PAK2: variants seen among roughly 807,000 people sequenced by gnomAD.
PAK2 encodes serine/threonine-protein kinase PAK 2.
Under a neutral mutation model 65.9 loss-of-function variants are expected in PAK2, and 21 were observed. That is an observed-to-expected ratio of 0.32 (90% confidence interval 0.23 to 0.46). The LOEUF is 0.46. Among genes scored for constraint, PAK2 ranks in the 20% least tolerant of loss-of-function variants. PAK2 has a pLI of 1.00. For missense variants in PAK2, 324 were observed against 642.6 expected, an observed-to-expected ratio of 0.50 and a Z score of 5.36; for synonymous variants, 204 against 219.7, an observed-to-expected ratio of 0.93 and a Z score of 0.63.
intron 1 of PAK2, among the ~76,000 whole-genome samples, chr3:196,777,990 C>T (rs552476548): frequency 3.9e-5 from 6 of 152,228 alleles, no homozygotes; most frequent in South Asian, 2.1e-4. Flanking sequence ...GTCTTCATAC[C>T]GGAACATTTG....
At chr3:196,802,564 C>T (rs1428261417) in intron 3 of PAK2, among the ~76,000 whole-genome samples, 3 of 152,066 alleles carry the variant, frequency 2.0e-5, no homozygotes, top group South Asian at 2.1e-4. Flanking sequence ...AGACCTAGGC[C>T]GGGCGCGGTG....
intron 2 of PAK2, 54 bp from the exon 3 acceptor site, chr3:196,801,873 A>T: frequency 1.2e-6 from 1 of 861,064 alleles, no homozygotes; most frequent in Non-Finnish European, 1.9e-6. Context: ...AAGTGCCTTT[A>T]CTAGTCTTGT....
In PAK2 at chr3:196,803,007, T is replaced by A; in HGVS notation, c.289-10T>A. 6.5e-7 allele frequency: 1 copy of A among 1,536,510 alleles called. No homozygotes were observed. The highest frequency in any genetic ancestry group is 8.7e-7 in the Non-Finnish European group (1 of 1,144,954). On this transcript the variant is annotated splice_polypyrimidine_tract_variant and intron_variant, in intron 3 of 14. Transcript: ENST00000327134. ...AAACCATAACTAATTTCTGAATATC[T>A]TCTTGTTAGGGCATGCCAGAACAGT...
chr3:196,799,947 G>A (rs759677212), intron 2 of PAK2, among the ~76,000 whole-genome samples: 3 of 152,180 alleles, frequency 2.0e-5, no homozygotes, highest in Non-Finnish European at 2.9e-5. Context: ...AATTGCATAG[G>A]CAGTGGTATT....
intron 11 of PAK2, among the ~76,000 whole-genome samples, chr3:196,815,692 C>T (rs1281674991): frequency 9.3e-5 from 14 of 151,334 alleles, no homozygotes; most frequent in Admixed American, 9.3e-4. Flanking sequence ...GAGGCTGAGA[C>T]GGGAGATTAG....
intron 11 of PAK2, among the ~76,000 whole-genome samples, chr3:196,817,335 T>C (rs1711511301): frequency 6.6e-6 from 1 of 151,278 alleles, no homozygotes; most frequent in Non-Finnish European, 1.5e-5. Context: ...TGGCTAATTT[T>C]TCTTTCTTTC....
intron 13 of PAK2, among the ~76,000 whole-genome samples, chr3:196,826,059 C>T (rs1711855073): frequency 1.3e-5 from 2 of 151,810 alleles, no homozygotes; most frequent in Admixed American, 1.3e-4. Context: ...GCCATGTTGC[C>T]CAGCCTGGTC....
rs1715751635 is a variant in PAK2 at position 196,810,764 on chromosome 3, G to C, written c.773+111G>C. On this transcript the variant is annotated intron_variant, in intron 8 of 14. Coordinates refer to ENST00000327134, the MANE Select transcript of PAK2 (RefSeq NM_002577.4). The stretch of plus-strand genomic sequence containing the variant: ...ATCAAGTACTTATATAGTATTCTGT[G>C]AGTGGTACCCTTGGGGGATTTGTGT... 9 of 644,308 alleles carry C rather than the reference G, an allele frequency of 1.4e-5. No homozygotes were observed. The East Asian group carries it at 2.4e-4, about 18-fold the overall frequency. The allele number at this position is 644,308 out of a possible 1,614,324, so 39.9% of individuals were successfully genotyped here.
intron 8 of PAK2, among the ~76,000 whole-genome samples, chr3:196,811,231 T>TTCCTTCCCTCCCTCCCCTCCC (rs1715787531): frequency 3.5e-4 from 1 of 2,864 alleles, no homozygotes; most frequent in Non-Finnish European, 7.0e-4. Flanking sequence ...CTCCCTTCCC[T>TTCCTTCCCTCCCTCCCCTCCC]TCCCTTCCTT....
At chr3:196,769,114 C>G (rs1427392072) in intron 1 of PAK2, among the ~76,000 whole-genome samples, 2 of 151,934 alleles carry the variant, frequency 1.3e-5, no homozygotes, top group Non-Finnish European at 2.9e-5. Context: ...ATCAGTTGAG[C>G]CCAGGAGTTC....
chr3:196,774,146 G>A (rs188416317), intron 1 of PAK2, among the ~76,000 whole-genome samples: 2 of 152,296 alleles, frequency 1.3e-5, no homozygotes, highest in East Asian at 3.9e-4. Flanking sequence ...TCTTAGGTAG[G>A]AAAAGCAGAT....
chr3:196,771,419 A>C (rs1486252300), intron 1 of PAK2, among the ~76,000 whole-genome samples: 1 of 152,050 alleles, frequency 6.6e-6, no homozygotes, highest in Non-Finnish European at 1.5e-5. Context: ...TTCTACTTAC[A>C]GATTTGTGTT....
At chr3:196,788,093 C>T (rs371419031) in intron 2 of PAK2, among the ~76,000 whole-genome samples, 2 of 152,220 alleles carry the variant, frequency 1.3e-5, no homozygotes, top group Admixed American at 6.5e-5. Flanking sequence ...CTGCTTCTCT[C>T]GCTAGTCTTA....
At chr3:196,784,139 A>T (rs771730706) in intron 2 of PAK2, among the ~76,000 whole-genome samples, 2 of 151,426 alleles carry the variant, frequency 1.3e-5, no homozygotes, top group Admixed American at 1.3e-4. Context: ...TTCAAACTCC[A>T]TTTCATTCCA....
chr3:196,804,679 C>T (rs1205874257), intron 4 of PAK2, among the ~76,000 whole-genome samples: 1 of 152,046 alleles, frequency 6.6e-6, no homozygotes, highest in Non-Finnish European at 1.5e-5. Context: ...GTTGGTCAGG[C>T]TGGTCTTGAA....
intron 1 of PAK2, among the ~76,000 whole-genome samples, chr3:196,756,819 G>C (rs1419889421): frequency 6.6e-6 from 1 of 152,216 alleles, no homozygotes; most frequent in African/African-American, 2.4e-5. Flanking sequence ...CTGGGTGACA[G>C]AGCAAGATTC....
At chr3:196,745,282 ATTTT>A (rs34194625) in intron 1 of PAK2, among the ~76,000 whole-genome samples, 1 of 92,762 alleles carries the variant, frequency 1.1e-5, no homozygotes, top group African/African-American at 4.5e-5. Context: ...CACCCAACTG[ATTTT>A]TTTTTTTTTT....
intron 11 of PAK2, among the ~76,000 whole-genome samples, chr3:196,815,246 T>A (rs62409458): frequency 3.3e-5 from 5 of 151,680 alleles, no homozygotes; most frequent in Admixed American, 2.0e-4. Flanking sequence ...ATCCTAGCAC[T>A]TTGGGAGGCC....
chr3:196,814,948 G>A (rs1357378556), intron 11 of PAK2, among the ~76,000 whole-genome samples: 1 of 152,112 alleles, frequency 6.6e-6, no homozygotes, highest in African/African-American at 2.4e-5. Flanking sequence ...GGGAGGCCGA[G>A]GCGGGTGGAT....
Sources: gnomAD v4.1 joint callset for allele counts (sites outside exome capture counted in the v4.1 genomes callset) on GRCh38, gnomAD v4.1.1 for gene constraint, MANE v1.5 for transcripts, NCBI Gene and HGNC (gene_info 2026-07-23, HGNC 2026-07-21) for gene names.